Variants in MBTPS2 observed in about 807,000 individuals in gnomAD.
The protein encoded by MBTPS2 is membrane-bound transcription factor site-2 protease.
In MBTPS2, 2 loss-of-function variants were observed where a neutral mutation model predicts 35.4. The observed-to-expected ratio is 0.06, with a 90% CI of 0.02 to 0.18. The LOEUF (loss-of-function observed/expected upper bound fraction) is 0.18, where lower values mean the gene tolerates loss of function less well. Among genes scored for constraint, MBTPS2 ranks in the 10% least tolerant of loss-of-function variants. The pLI, the probability that MBTPS2 is intolerant of heterozygous loss-of-function variation, is 1.00. For missense variants in MBTPS2, 244 were observed against 386.5 expected (o/e 0.63, Z 3.09); for synonymous variants, 125 against 140.4 (o/e 0.89, Z 0.77).
At chrX:21,862,923 T>TATAAATATATATAA in intron 5 of MBTPS2, among the ~76,000 whole-genome samples, 1 of 55,258 alleles carries the variant, frequency 1.8e-5, no homozygotes, top group African/African-American at 6.6e-5. Flanking sequence ...TATAAACATA[T>TATAAATATATATAA]ATATATAAAC....
rs1282903945 is a variant in MBTPS2 at position 21,845,350 on chromosome X, C to T, written c.404C>T (p.Ser135Phe). 2 of 1,204,644 alleles carry T rather than the reference C, an allele frequency of 1.7e-6. No individual in the cohort carries two copies. The highest frequency in any genetic ancestry group is 3.5e-5 in the South Asian group (2 of 56,609). Residue 135 changes from serine to phenylalanine, a missense_variant, in exon 3 of 11, where the codon TCC becomes TTC. By Grantham distance (155) the Ser-to-Phe change is radical (BLOSUM62 -2). Coordinates refer to ENST00000379484, the MANE Select transcript of MBTPS2 (RefSeq NM_015884.4). The part of the protein sequence containing the change: ...SSSSSSSSSS[S>F]SLHNEQVLQV... ...TCCTCTTCTTCATCTTCTTCCTCTT[C>T]CTCGCTTCACAATGAACAGGTGTTA...
At chrX:21,874,779 A>G (rs1289746332) in intron 7 of MBTPS2, among the ~76,000 whole-genome samples, 1 of 112,276 alleles carries the variant, frequency 8.9e-6, no homozygotes, top group Non-Finnish European at 1.9e-5. Context: ...TCCCCTGGGG[A>G]CATCCTATTG....
At chrX:21,863,206 T>C (rs1184046741) in intron 5 of MBTPS2, among the ~76,000 whole-genome samples, 1 of 97,444 alleles carries the variant, frequency 1.0e-5, no homozygotes, top group Non-Finnish European at 2.1e-5. Flanking sequence ...AGGCGGAGGT[T>C]TCAGTGAGCC....
intron 2 of MBTPS2, among the ~76,000 whole-genome samples, chrX:21,844,358 T>C (rs1403311378): frequency 9.2e-6 from 1 of 109,149 alleles, no homozygotes; most frequent in African/African-American, 3.3e-5. Context: ...ACAAAAAATA[T>C]AAAACTTAGC....
Position 21,868,492 on chromosome X carries a change from A to C in MBTPS2, c.696A>C (p.Ala232=). 1.7e-6 allele frequency: 2 copies of C among 1,205,259 alleles called. No individual in the cohort carries two copies. The highest frequency in any genetic ancestry group is 2.2e-6 in the Non-Finnish European group (2 of 890,822). Residue 232 remains alanine, a synonymous_variant, in exon 6 of 11, where the codon GCA becomes GCC. Coordinates refer to ENST00000379484, the MANE Select transcript of MBTPS2 (RefSeq NM_015884.4). ...CAGIWHNFVL[A]LLGILALVLL... ...GTATCTGGCATAATTTTGTCCTTGC[A>C]CTCTTGGGTATTTTAGCTCTTGTTC...
chrX:21,859,321 A>G (rs1396628707), intron 5 of MBTPS2, among the ~76,000 whole-genome samples: 1 of 91,230 alleles, frequency 1.1e-5, no homozygotes. Context: ...TACGTGAAGT[A>G]TTTTCCTGCT....
At chrX:21,843,556 C>T (rs1216114704) in intron 2 of MBTPS2, among the ~76,000 whole-genome samples, 1 of 111,424 alleles carries the variant, frequency 9.0e-6, no homozygotes, top group East Asian at 2.8e-4. Flanking sequence ...ATCTCTGGGA[C>T]ACCCAAGATA....
At chrX:21,843,398 C>T (rs2092904922) in intron 2 of MBTPS2, 80 bp downstream of exon 2, 1 of 996,855 alleles carries the variant, frequency 1.0e-6, no homozygotes, top group African/African-American at 1.9e-5. Flanking sequence ...TAACTATTTC[C>T]ATTACTTTGC....
At chrX:21,882,395 AC>A (rs1368426862) in intron 10 of MBTPS2, 37 bp from the exon 11 acceptor site, 2 of 1,015,384 alleles carry the variant, frequency 2.0e-6, no homozygotes, top group Non-Finnish European at 2.8e-6. Flanking sequence ...TTCTACTCAG[AC>A]CTCTCACAGT....
intron 3 of MBTPS2, among the ~76,000 whole-genome samples, chrX:21,850,813 T>G (rs1283429500): frequency 8.9e-6 from 1 of 111,949 alleles, no homozygotes; most frequent in Non-Finnish European, 1.9e-5. Flanking sequence ...GTAACATGTC[T>G]GTAGGTTCCA....
intron 5 of MBTPS2, among the ~76,000 whole-genome samples, chrX:21,860,512 A>G (rs1481757038): frequency 8.9e-6 from 1 of 112,587 alleles, no homozygotes; most frequent in African/African-American, 3.2e-5. Flanking sequence ...TGCAGTACTT[A>G]TAATCCAATC....
intron 3 of MBTPS2, among the ~76,000 whole-genome samples, chrX:21,849,546 T>C (rs1028801873): frequency 7.2e-5 from 8 of 111,749 alleles, no homozygotes; most frequent in African/African-American, 2.6e-4. Context: ...TTAAATTTTG[T>C]GTAATAATAG....
At position 21,849,311 on chromosome X, in the gene MBTPS2, C is replaced by A. The variant is rs760020020; in HGVS notation, c.439-2198C>A. 1.4e-4 allele frequency among the ~76,000 whole-genome samples: 16 copies of A among 112,069 alleles called. No individual in the cohort carries two copies. In the South Asian group the frequency reaches 5.9e-3, roughly 41 times the overall value. ...AATGCTGATATTTGAAGTGATCTTA[C>A]GGATCAGTAAGAAAAAGTTGAATAC... On this transcript the variant is annotated intron_variant, in intron 3 of 10. Coordinates refer to ENST00000379484, the MANE Select transcript of MBTPS2 (RefSeq NM_015884.4).
rs142727236 is a variant in MBTPS2 at position 21,868,969 on chromosome X, G to C, written c.789+384G>C. Among the ~76,000 whole-genome samples the C allele has an allele frequency of 1.4e-4, 16 of 112,474 alleles. No homozygotes were observed. The East Asian group carries it at 4.2e-3, about 29-fold the overall frequency. On this transcript the variant is annotated intron_variant, in intron 6 of 10. Transcript: ENST00000379484. ...TGTCCAGCCGTAACATTTCATAGGAGTTTAAGTTAATGTCTTCAACTCTGT... is the reference window on the plus strand; with the variant it reads ...TGTCCAGCCGTAACATTTCATAGGACTTTAAGTTAATGTCTTCAACTCTGT...
At chrX:21,862,919 CATATATATATAAACATATATATAT>C (rs1381233878) in intron 5 of MBTPS2, among the ~76,000 whole-genome samples, 34 of 40,365 alleles carry the variant, frequency 8.4e-4, no homozygotes, top group African/African-American at 2.1e-3. Flanking sequence ...AATATATAAA[CATATATATATAAACATATATATAT>C]ATATATATAT....
At chrX:21,852,224 G>A (rs2147433798) in intron 4 of MBTPS2, among the ~76,000 whole-genome samples, 1 of 111,663 alleles carries the variant, frequency 9.0e-6, no homozygotes, top group Non-Finnish European at 1.9e-5. Flanking sequence ...ATAAAATCAT[G>A]ATGGGGAGAG....
rs900023952 is a variant in MBTPS2 at position 21,870,085 on chromosome X, A to G, written c.970+407A>G. On this transcript the variant is annotated intron_variant, in intron 7 of 10. Transcript: ENST00000379484. ...GTGAAACCCCATCTCTACTAAAAAT[A>G]CAAAAATTAGCAGGGCATGGTGACG... 5.0e-5 allele frequency: 6 copies of G among 121,160 alleles called. No homozygotes were observed. The Admixed American group carries it at 5.2e-4, about 11-fold the overall frequency. The allele number at this position is 121,160 out of a possible 1,213,427, so 10.0% of individuals were successfully genotyped here. A position where few individuals can be genotyped will look rare whatever the true frequency, so the allele number is the denominator to read the frequency against.
chrX:21,865,722 T>C (rs2092938825), intron 5 of MBTPS2, among the ~76,000 whole-genome samples: 1 of 112,629 alleles, frequency 8.9e-6, no homozygotes, highest in African/African-American at 3.2e-5. Flanking sequence ...ATTGAGTTGT[T>C]ATTTTACCTA....
rs187958590 is a variant in MBTPS2, at chrX:21,841,224, C to A, written c.75+1415C>A. ...TTGCCTGAGTCCAGGAGTTTGAGAC[C>A]AGCCTGGGCAATATAGTGAGACTTT... On this transcript the variant is annotated intron_variant, in intron 1 of 10. Transcript: ENST00000379484. 2.7e-3 allele frequency among the ~76,000 whole-genome samples: 300 copies of A among 111,442 alleles called. 2 individuals are homozygous for A. Among genetic ancestry groups the A allele is most frequent in the African/African-American group, 9.2e-3 (282 of 30,632 alleles).
Sources: allele counts gnomAD v4.1 joint callset (sites outside exome capture counted in the v4.1 genomes callset), GRCh38; gene constraint gnomAD v4.1.1; transcripts MANE v1.5; gene names NCBI Gene and HGNC (gene_info 2026-07-23, HGNC 2026-07-21).